The following ZXDC variants were observed in gnomAD, a reference collection of about 807,000 sequenced individuals.
The protein encoded by ZXDC is ZXD family zinc finger C.
A neutral mutation model predicts 63.6 loss-of-function variants in ZXDC; 58 were observed. The ratio of observed to expected loss-of-function variants is 0.91; its 90% CI spans 0.74 to 1.13. The LOEUF is 1.13. Among genes scored for constraint, ZXDC ranks in the 50% most tolerant of loss-of-function variants. ZXDC has a pLI of 0.00. For synonymous variants in ZXDC, 561 were observed against 496.1 expected, an observed-to-expected ratio of 1.13 and a Z score of -1.74; for missense variants, 1,133 against 1,148.9, an observed-to-expected ratio of 0.99 and a Z score of 0.20.
At position 126,438,134 on chromosome 3, in the gene ZXDC, GGA is replaced by G. The variant is rs765512196; in HGVS notation, c.*239_*240del. Reference sequence around the variant, plus strand: ...CTGTAGTGCACCTAGCCCTGCTGAGGGAGACCCTTGCCTTGCCAAAGCACTTT... The same window carrying G: ...CTGTAGTGCACCTAGCCCTGCTGAGGGACCCTTGCCTTGCCAAAGCACTTT... On this transcript the variant is annotated 3_prime_UTR_variant, in exon 10 of 10. Transcript: ENST00000389709. 3.5e-6 allele frequency: 2 copies of G among 565,444 alleles called. No homozygotes were observed. Among genetic ancestry groups the G allele is most frequent in the Non-Finnish European group, 6.4e-6 (2 of 314,776 alleles). The allele number at this position is 565,444 out of a possible 1,614,324, so 35.0% of individuals were successfully genotyped here.
rs1284869754 is a variant in ZXDC, at chr3:126,475,606, G to A, written c.260C>T (p.Ala87Val). The change falls in exon 1 of 10, where the codon GCC becomes GTC. Residue 87 changes from alanine (A) to valine (V), a missense_variant. Transcript: ENST00000389709. ...VLLEVPHGGA[A>V]AEAAGSQEAE... The stretch of plus-strand genomic sequence containing the variant: ...CTCCTGTGATCCGGCAGCCTCGGCG[G>A]CAGCGCCGCCGTGCGGCACTTCCAG... The A allele has an allele frequency of 4.8e-6, 7 of 1,470,068 alleles. No homozygotes were observed. The highest frequency in any genetic ancestry group is 2.1e-5 in the Admixed American group (1 of 47,770). The allele number at this position is 1,470,068 out of a possible 1,614,324, so 91.1% of individuals were successfully genotyped here.
intron 7 of ZXDC, chr3:126,458,513 C>G (rs1372134162): frequency 4.5e-6 from 4 of 888,944 alleles, no homozygotes; most frequent in Non-Finnish European, 5.4e-6. Flanking sequence ...GCTGGGATTA[C>G]AGGTATGAGC....
At chr3:126,455,079 C>A (rs1934252905) in intron 7 of ZXDC, 1 of 985,428 alleles carries the variant, frequency 1.0e-6, no homozygotes, top group Non-Finnish European at 1.2e-6. Context: ...TACACTGCAA[C>A]TGCTGTTCTT....
rs565329199 is a variant in ZXDC, at chr3:126,443,869, TGATA to T, written c.2213-1927_2213-1924del. Among the ~76,000 whole-genome samples the T allele has an allele frequency of 4.1e-3, 625 of 152,310 alleles. 4 individuals carry two copies. The highest frequency in any genetic ancestry group is 6.1e-3 in the Non-Finnish European group (412 of 68,030). On this transcript the variant is annotated intron_variant, in intron 7 of 9. Coordinates refer to ENST00000389709, the MANE Select transcript of ZXDC (RefSeq NM_025112.5). ...TCAAAACAAAATATATCAGAAACTTTGATAGATAATTATGATATTAAAAGCAAAA... is the reference window on the plus strand; with the variant it reads ...TCAAAACAAAATATATCAGAAACTTTGATAATTATGATATTAAAAGCAAAA...
intron 1 of ZXDC, among the ~76,000 whole-genome samples, chr3:126,474,449 AT>A (rs1259125968): frequency 6.6e-6 from 1 of 152,206 alleles, no homozygotes; most frequent in African/African-American, 2.4e-5. Flanking sequence ...CAGACGGCTA[AT>A]TTTTAAAACT....
rs188348133 is a variant in ZXDC at position 126,472,316 on chromosome 3, A to C, written c.908-11T>G. On this transcript the variant is annotated splice_polypyrimidine_tract_variant and intron_variant, in intron 1 of 9. Coordinates refer to ENST00000389709, the MANE Select transcript of ZXDC (RefSeq NM_025112.5). ...ATGTCTTCTCACAGCCTGAACAAGG[A>C]AAACACAAACCCTGCTCAAAGCGTG... is the stretch of plus-strand genomic sequence containing the variant. 1 of 1,601,926 alleles carries C rather than the reference A, an allele frequency of 6.2e-7. No individual in the cohort carries two copies. The highest frequency in any genetic ancestry group is 2.2e-5 in the East Asian group (1 of 44,548).
At chr3:126,454,826 T>A in intron 7 of ZXDC, 1 of 985,464 alleles carries the variant, frequency 1.0e-6, no homozygotes, top group Non-Finnish European at 1.2e-6. Flanking sequence ...TTGACATTTT[T>A]ACACTGAGAG....
chr3:126,454,703 C>G, intron 7 of ZXDC: 1 of 985,476 alleles, frequency 1.0e-6, no homozygotes, highest in Non-Finnish European at 1.2e-6. Flanking sequence ...AAGCACCACA[C>G]TTTCTTTCCC....
At chr3:126,473,195 G>C (rs1935042781) in intron 1 of ZXDC, among the ~76,000 whole-genome samples, 1 of 152,088 alleles carries the variant, frequency 6.6e-6, no homozygotes, top group Non-Finnish European at 1.5e-5. Flanking sequence ...TTGGGCTTCG[G>C]TGTGTTCACA....
At position 126,475,520 on chromosome 3, in the gene ZXDC, C is replaced by T. The variant is rs1478013375; in HGVS notation, c.346G>A (p.Ala116Thr). 2 of 1,253,982 alleles carry T rather than the reference C, an allele frequency of 1.6e-6. No homozygotes were observed. Among genetic ancestry groups the T allele is most frequent in the Non-Finnish European group, 2.0e-6 (2 of 1,002,048 alleles). The allele number at this position is 1,253,982 out of a possible 1,614,324, so 77.7% of individuals were successfully genotyped here. The change falls in exon 1 of 10, where the codon GCC becomes ACC. Residue 116 changes from alanine (A) to threonine (T), a missense_variant. Transcript: ENST00000389709. The stretch of plus-strand genomic sequence containing the variant: ...GCTACGCCAGGGCCGGGGGGGGCGG[C>T]CGGGCCGCTGGGGCCCTGCTCGGGG... ...SRPEQGPSGP[A>T]APPGPGVAPA...
chr3:126,452,901 G>A (rs1242909118), intron 7 of ZXDC: 3 of 483,708 alleles, frequency 6.2e-6, no homozygotes, highest in East Asian at 3.0e-4. Flanking sequence ...ACCACGCGTG[G>A]CTAATTATTA....
At chr3:126,442,086 C>A in intron 7 of ZXDC, 140 bp from the exon 8 acceptor site, 1 of 981,984 alleles carries the variant, frequency 1.0e-6, no homozygotes, top group African/African-American at 1.7e-5. Flanking sequence ...AATCACTTAA[C>A]AGAAAAAATC....
intron 4 of ZXDC, among the ~76,000 whole-genome samples, chr3:126,467,456 G>C (rs1200891809): frequency 2.0e-5 from 3 of 152,216 alleles, no homozygotes; most frequent in Non-Finnish European, 4.4e-5. Context: ...AGTGGTGCGA[G>C]CAACGACGCA....
intron 6 of ZXDC, chr3:126,460,789 C>A (rs1260734630): frequency 1.0e-6 from 1 of 985,172 alleles, no homozygotes; most frequent in African/African-American, 1.8e-5. Context: ...TGCCTCACAA[C>A]TGATCCTACT....
chr3:126,443,772 T>G (rs1435432989), intron 7 of ZXDC, among the ~76,000 whole-genome samples: 1 of 152,238 alleles, frequency 6.6e-6, no homozygotes, highest in Non-Finnish European at 1.5e-5. Flanking sequence ...ACTTAACTTT[T>G]ATTTAACTTC....
chr3:126,448,563 C>T (rs1336594962), intron 7 of ZXDC, among the ~76,000 whole-genome samples: 4 of 152,150 alleles, frequency 2.6e-5, no homozygotes, highest in African/African-American at 9.7e-5. Context: ...ACAGGCATCC[C>T]GGGCAGGCAC....
At chr3:126,470,868 T>C (rs372997383) in intron 4 of ZXDC, 27 bp downstream of exon 4, 1 of 1,611,566 alleles carries the variant, frequency 6.2e-7, no homozygotes, top group Non-Finnish European at 8.5e-7. Flanking sequence ...CTTAGTTTAC[T>C]GCTCAAAGCA....
intron 7 of ZXDC, among the ~76,000 whole-genome samples, chr3:126,452,744 CTT>C (rs34131353): frequency 1.5e-4 from 21 of 143,166 alleles, no homozygotes; most frequent in South Asian, 2.2e-4. Flanking sequence ...TGCAGTTTTT[CTT>C]TTTTTTTTTT....
At chr3:126,454,830 C>T in intron 7 of ZXDC, 3 of 985,348 alleles carry the variant, frequency 3.0e-6, no homozygotes, top group Non-Finnish European at 3.6e-6. Context: ...CATTTTTACA[C>T]TGAGAGAAAA....
Sources: allele counts gnomAD v4.1 joint callset (sites outside exome capture counted in the v4.1 genomes callset), GRCh38; gene constraint gnomAD v4.1.1; transcripts MANE v1.5; gene names NCBI Gene and HGNC (gene_info 2026-07-23, HGNC 2026-07-21).